NEK7: variants seen among roughly 807,000 people sequenced by gnomAD.
The protein encoded by NEK7 is NIMA related kinase 7.
In NEK7, 18 loss-of-function variants were observed where a neutral mutation model predicts 44.6. That is an observed-to-expected ratio of 0.40 (90% CI 0.28 to 0.60). NEK7 has a LOEUF of 0.60. Ranked by LOEUF, NEK7 falls within the 20% of genes least tolerant of loss-of-function variation. The pLI, the probability that NEK7 is intolerant of heterozygous loss-of-function variation, is 0.38. For synonymous variants in NEK7, 130 were observed against 121.1 expected, an observed-to-expected ratio of 1.07 and a Z score of -0.48; for missense variants, 256 against 366.5, an observed-to-expected ratio of 0.70 and a Z score of 2.46.
chr1:198,299,309 C>T (rs1332848150), intron 9 of NEK7, among the ~76,000 whole-genome samples: 1 of 152,168 alleles, frequency 6.6e-6, no homozygotes. Context: ...CTTTGAAATG[C>T]AGATGTGCTA....
chr1:198,266,726 T>C (rs1419640445), intron 5 of NEK7, among the ~76,000 whole-genome samples: 48 of 152,088 alleles, frequency 3.2e-4, no homozygotes, highest in Admixed American at 3.2e-3. Flanking sequence ...TAATATATAG[T>C]ATGTTTATAT....
At chr1:198,312,145 C>T (rs1472605921) in intron 9 of NEK7, among the ~76,000 whole-genome samples, 1 of 152,122 alleles carries the variant, frequency 6.6e-6, no homozygotes, top group Non-Finnish European at 1.5e-5. Context: ...AGAGATTCAA[C>T]TTCTTCCTGG....
chr1:198,279,138 G>T, intron 7 of NEK7, 77 bp downstream of exon 7: 1 of 841,746 alleles, frequency 1.2e-6, no homozygotes, highest in Non-Finnish European at 2.0e-6. Flanking sequence ...CCAATTACAT[G>T]CCAGCTCTTA....
intron 2 of NEK7, among the ~76,000 whole-genome samples, chr1:198,247,402 A>T (rs1372965761): frequency 1.3e-5 from 2 of 152,202 alleles, no homozygotes; most frequent in African/African-American, 4.8e-5. Flanking sequence ...ATACTTGGGA[A>T]TCAACTAGAC....
At chr1:198,201,294 T>C (rs755659674) in intron 1 of NEK7, among the ~76,000 whole-genome samples, 1 of 152,212 alleles carries the variant, frequency 6.6e-6, no homozygotes, top group Non-Finnish European at 1.5e-5. Flanking sequence ...ACTGAATGGG[T>C]CTGTATTCTA....
At chr1:198,213,037 C>A (rs1274601507) in intron 1 of NEK7, among the ~76,000 whole-genome samples, 1 of 152,158 alleles carries the variant, frequency 6.6e-6, no homozygotes, top group African/African-American at 2.4e-5. Context: ...TACATCTTCC[C>A]GCCCACCCCC....
At chr1:198,269,649 A>G (rs1466863246) in intron 5 of NEK7, among the ~76,000 whole-genome samples, 1 of 152,104 alleles carries the variant, frequency 6.6e-6, no homozygotes, top group African/African-American at 2.4e-5. Flanking sequence ...ATTGGGGTAC[A>G]AGAGGAAATA....
chr1:198,172,322 C>T (rs996938949), intron 1 of NEK7, among the ~76,000 whole-genome samples: 3 of 152,124 alleles, frequency 2.0e-5, no homozygotes, highest in African/African-American at 7.2e-5. Context: ...AACTTTCTTG[C>T]AGACTCTTTG....
At chr1:198,296,723 T>C (rs1299405226) in intron 8 of NEK7, among the ~76,000 whole-genome samples, 2 of 152,234 alleles carry the variant, frequency 1.3e-5, no homozygotes, top group African/African-American at 4.8e-5. Flanking sequence ...AATTCAGTTT[T>C]AACTTCAGTT....
intron 3 of NEK7, among the ~76,000 whole-genome samples, chr1:198,254,207 C>T: frequency 6.6e-6 from 1 of 151,806 alleles, no homozygotes; most frequent in East Asian, 1.9e-4. Context: ...TAGATGTAAA[C>T]AATAATAGAG....
rs928966030 is a variant in NEK7, at chr1:198,253,328, C to T, written c.198+148C>T. On this transcript the variant is annotated intron_variant, in intron 3 of 9. Transcript: ENST00000367385. ...AACGTTGTATTTTAAAAGCCAGAAA[C>T]AAGTGTAGTATGGAGTGGAAATATT... The T allele has an allele frequency of 5.5e-5, 30 of 549,064 alleles. No individual in the cohort carries two copies. In the African/African-American group the frequency reaches 5.6e-4, roughly 10 times the overall value. 34.0% of individuals were successfully genotyped at this position (549,064 alleles called of 1,614,324 possible).
intron 9 of NEK7, among the ~76,000 whole-genome samples, chr1:198,308,846 C>CG (rs1228989192): frequency 1.3e-5 from 2 of 152,124 alleles, no homozygotes; most frequent in Non-Finnish European, 2.9e-5. Context: ...TCTCTCCCCC[C>CG]CTTTTATATA....
intron 1 of NEK7, among the ~76,000 whole-genome samples, chr1:198,211,817 G>C (rs888707317): frequency 3.9e-5 from 6 of 152,080 alleles, no homozygotes; most frequent in African/African-American, 1.4e-4. Flanking sequence ...TTTTTTCCAA[G>C]AAGCAACACC....
At chr1:198,226,990 G>A (rs185506993) in intron 1 of NEK7, among the ~76,000 whole-genome samples, 1 of 152,072 alleles carries the variant, frequency 6.6e-6, no homozygotes, top group East Asian at 1.9e-4. Context: ...TTAACATTAG[G>A]TATATCTCCT....
intron 5 of NEK7, among the ~76,000 whole-genome samples, chr1:198,264,756 C>A (rs1394970674): frequency 1.3e-5 from 2 of 151,886 alleles, no homozygotes; most frequent in Non-Finnish European, 2.9e-5. Flanking sequence ...TTTCTAAGGG[C>A]ATATTAATTG....
chr1:198,208,678 CT>C (rs1665668182), intron 1 of NEK7: 1 of 152,072 alleles, frequency 6.6e-6, no homozygotes, highest in Non-Finnish European at 1.5e-5. Context: ...ATATATTCAG[CT>C]TTTGTCAATT....
At chr1:198,214,340 C>T (rs868287431) in intron 1 of NEK7, among the ~76,000 whole-genome samples, 4 of 151,924 alleles carry the variant, frequency 2.6e-5, no homozygotes, top group South Asian at 2.1e-4. Context: ...ATGAGATGTT[C>T]GAAATACCAG....
intron 7 of NEK7, among the ~76,000 whole-genome samples, 182 bp downstream of exon 7, chr1:198,279,243 G>T (rs538059937): frequency 6.6e-6 from 1 of 151,550 alleles, no homozygotes; most frequent in Non-Finnish European, 1.5e-5. Flanking sequence ...ATGACAGTTG[G>T]ATACTTCTGT....
At chr1:198,217,665 T>A (rs1665960819) in intron 1 of NEK7, among the ~76,000 whole-genome samples, 1 of 151,964 alleles carries the variant, frequency 6.6e-6, no homozygotes, top group South Asian at 2.1e-4. Context: ...ATGCTGATTA[T>A]ATGATCTTAT....
Sources: gnomAD v4.1 joint callset for allele counts (sites outside exome capture counted in the v4.1 genomes callset) on GRCh38, gnomAD v4.1.1 for gene constraint, MANE v1.5 for transcripts, NCBI Gene and HGNC (gene_info 2026-07-23, HGNC 2026-07-21) for gene names.